Variants in ENOX1 observed in about 807,000 individuals in gnomAD.
ENOX1 encodes candidate growth-related and time keeping constitutive hydroquinone (NADH) oxidase.
In ENOX1, 42 loss-of-function variants were observed where a neutral mutation model predicts 82.5. That is an observed-to-expected ratio of 0.51 (90% CI 0.40 to 0.66). ENOX1 has a LOEUF of 0.66. ENOX1 is among the 30% of genes least tolerant of loss of function. The probability of loss-of-function intolerance (pLI) is 0.00; values close to 1 mark genes in which losing one functional copy is unlikely to be tolerated. For synonymous variants in ENOX1, 271 were observed against 282.2 expected, an observed-to-expected ratio of 0.96 and a Z score of 0.40; for missense variants, 608 against 811.6, an observed-to-expected ratio of 0.75 and a Z score of 3.05.
chr13:43,318,374 C>T (rs1386702546), intron 11 of ENOX1, among the ~76,000 whole-genome samples: 1 of 152,202 alleles, frequency 6.6e-6, no homozygotes, highest in Non-Finnish European at 1.5e-5. Flanking sequence ...ATGAGTCTTA[C>T]ACCCTAGAGA....
chr13:43,495,416 T>C (rs1352971504), intron 2 of ENOX1, among the ~76,000 whole-genome samples: 1 of 152,184 alleles, frequency 6.6e-6, no homozygotes, highest in Non-Finnish European at 1.5e-5. Flanking sequence ...TCATACGGTA[T>C]ACCAGATAGC....
At chr13:43,714,088 C>A (rs976920196) in intron 1 of ENOX1, among the ~76,000 whole-genome samples, 4 of 146,300 alleles carry the variant, frequency 2.7e-5, no homozygotes, top group Non-Finnish European at 6.0e-5. Context: ...GCTTTGAATG[C>A]GTCCCAGAGA....
chr13:43,769,026 G>C (rs990767259), intron 1 of ENOX1, among the ~76,000 whole-genome samples: 4 of 152,188 alleles, frequency 2.6e-5, no homozygotes, highest in Non-Finnish European at 4.4e-5. Context: ...TATTTGAGGA[G>C]AGAAGAAGCA....
At chr13:43,354,469 CTTT>C (rs560964401) in intron 8 of ENOX1, among the ~76,000 whole-genome samples, 3 of 139,260 alleles carry the variant, frequency 2.2e-5, no homozygotes, top group African/African-American at 2.6e-5. Flanking sequence ...CCGCTGCCAC[CTTT>C]TTTTTTTTTT....
At chr13:43,610,581 T>C (rs1043530093) in intron 2 of ENOX1, among the ~76,000 whole-genome samples, 2 of 152,216 alleles carry the variant, frequency 1.3e-5, no homozygotes, top group Non-Finnish European at 1.5e-5. Context: ...ATCACTTTTA[T>C]TTGGGTCAGT....
At chr13:43,698,748 C>T (rs1000931907) in intron 1 of ENOX1, among the ~76,000 whole-genome samples, 3 of 152,156 alleles carry the variant, frequency 2.0e-5, no homozygotes, top group Non-Finnish European at 4.4e-5. Context: ...TAGCACATGT[C>T]AAGTCTCTGC....
chr13:43,486,107 G>T (rs1271567896), intron 2 of ENOX1, among the ~76,000 whole-genome samples: 1 of 152,238 alleles, frequency 6.6e-6, no homozygotes, highest in Non-Finnish European at 1.5e-5. Context: ...CTCCTTGGGA[G>T]GCTGAGGCAG....
At chr13:43,343,651 C>T (rs1018268249) in intron 9 of ENOX1, among the ~76,000 whole-genome samples, 2 of 152,126 alleles carry the variant, frequency 1.3e-5, no homozygotes, top group African/African-American at 4.8e-5. Context: ...CATTTTGGCA[C>T]ACTATATCAC....
chr13:43,563,886 G>C (rs1002706492), intron 2 of ENOX1, among the ~76,000 whole-genome samples: 1 of 151,722 alleles, frequency 6.6e-6, no homozygotes, highest in African/African-American at 2.4e-5. Flanking sequence ...CAGGACCTGA[G>C]GGCTTCACCG....
intron 7 of ENOX1, among the ~76,000 whole-genome samples, chr13:43,359,047 G>A (rs1042828844): frequency 6.6e-6 from 1 of 152,174 alleles, no homozygotes; most frequent in African/African-American, 2.4e-5. Context: ...AACCTGGCAG[G>A]AATGCTCAGA....
intron 11 of ENOX1, among the ~76,000 whole-genome samples, chr13:43,306,331 C>A (rs2046859782): frequency 6.6e-6 from 1 of 152,186 alleles, no homozygotes; most frequent in Non-Finnish European, 1.5e-5. Context: ...CACTTTTCCC[C>A]ACTCTTCCTT....
At chr13:43,763,762 C>G (rs575673180) in intron 1 of ENOX1, among the ~76,000 whole-genome samples, 1 of 152,274 alleles carries the variant, frequency 6.6e-6, no homozygotes, top group African/African-American at 2.4e-5. Context: ...GACATCTTCC[C>G]TGAGAAAGTA....
chr13:43,296,246 T>C (rs1324375990), intron 12 of ENOX1, among the ~76,000 whole-genome samples: 2 of 152,182 alleles, frequency 1.3e-5, no homozygotes, highest in East Asian at 3.8e-4. Flanking sequence ...ATATAAGTAA[T>C]TAAGATGAGG....
chr13:43,285,603 C>G (rs971282499), intron 12 of ENOX1, among the ~76,000 whole-genome samples: 1 of 151,784 alleles, frequency 6.6e-6, no homozygotes, highest in Non-Finnish European at 1.5e-5. Context: ...GTCAGGAGTT[C>G]GAGACCAGCC....
chr13:43,571,574 C>T (rs926662529), intron 2 of ENOX1, among the ~76,000 whole-genome samples: 3 of 151,886 alleles, frequency 2.0e-5, no homozygotes, highest in African/African-American at 7.3e-5. Flanking sequence ...CCTGTAATCC[C>T]AGCTACTTGG....
intron 2 of ENOX1, among the ~76,000 whole-genome samples, chr13:43,605,440 G>C (rs189825981): frequency 8.1e-4 from 124 of 152,184 alleles, no homozygotes; most frequent in African/African-American, 2.9e-3. Flanking sequence ...CAAACAGCAT[G>C]GTACTGGTAT....
intron 3 of ENOX1, among the ~76,000 whole-genome samples, chr13:43,441,819 T>G (rs2056374868): frequency 6.6e-6 from 1 of 152,172 alleles, no homozygotes; most frequent in Non-Finnish European, 1.5e-5. Context: ...CGATTTTTTT[T>G]TTTTAGGAGC....
At chr13:43,625,283 A>G (rs1256220968) in intron 2 of ENOX1, among the ~76,000 whole-genome samples, 1 of 151,992 alleles carries the variant, frequency 6.6e-6, no homozygotes, top group Non-Finnish European at 1.5e-5. Context: ...TATTCTATAT[A>G]CACAATCATG....
chr13:43,571,902 G>T (rs1183715426), intron 2 of ENOX1, among the ~76,000 whole-genome samples: 1 of 151,996 alleles, frequency 6.6e-6, no homozygotes, highest in East Asian at 1.9e-4. Flanking sequence ...GGCGGTGGGG[G>T]TGGTGCATGC....
Sources: gnomAD v4.1 joint callset for allele counts (sites outside exome capture counted in the v4.1 genomes callset) on GRCh38, gnomAD v4.1.1 for gene constraint, MANE v1.5 for transcripts, NCBI Gene and HGNC (gene_info 2026-07-23, HGNC 2026-07-21) for gene names.